SH3GL3: variants seen among roughly 807,000 people sequenced by gnomAD.
SH3GL3 encodes endophilin-A3.
A neutral mutation model predicts 47.7 loss-of-function variants in SH3GL3; 33 were observed. That is an observed-to-expected ratio of 0.69 (90% confidence interval 0.52 to 0.92). SH3GL3 has a LOEUF of 0.92. Ranked by LOEUF, SH3GL3 falls within the 40% of genes least tolerant of loss-of-function variation. The probability of loss-of-function intolerance (pLI) is 0.00; values close to 1 mark genes in which losing one functional copy is unlikely to be tolerated. For missense variants in SH3GL3, 363 were observed against 417.8 expected, an observed-to-expected ratio of 0.87 and a Z score of 1.14; for synonymous variants, 155 against 148.8, an observed-to-expected ratio of 1.04 and a Z score of -0.30.
intron 1 of SH3GL3, among the ~76,000 whole-genome samples, chr15:83,558,501 GTATA>G (rs34575912): frequency 6.6e-6 from 1 of 150,560 alleles, no homozygotes; most frequent in Admixed American, 6.6e-5. Flanking sequence ...GTGTGTGTGT[GTATA>G]TGTGTGTGTG....
intron 1 of SH3GL3, among the ~76,000 whole-genome samples, chr15:83,496,464 G>T (rs1266917772): frequency 6.6e-6 from 1 of 152,108 alleles, no homozygotes; most frequent in African/African-American, 2.4e-5. Context: ...TAACCATTTG[G>T]AGTAGACATT....
intron 1 of SH3GL3, among the ~76,000 whole-genome samples, chr15:83,542,256 C>T (rs908334652): frequency 2.6e-5 from 4 of 152,022 alleles, no homozygotes. Flanking sequence ...GTTCTTGGCA[C>T]CTTTGTTGAA....
chr15:83,449,741 G>A (rs1278962968), intron 1 of SH3GL3, among the ~76,000 whole-genome samples: 4 of 149,752 alleles, frequency 2.7e-5, no homozygotes, highest in East Asian at 2.0e-4. Flanking sequence ...TCGCATGAGC[G>A]GAAATAATTT....
downstream of SH3GL3, among the ~76,000 whole-genome samples, chr15:83,622,135 C>T (rs553501858): frequency 1.3e-5 from 2 of 152,306 alleles, no homozygotes; most frequent in East Asian, 3.9e-4. Context: ...TTCTCATTAA[C>T]GATCCTCTGA....
chr15:83,530,763 C>A (rs1037432020), intron 1 of SH3GL3, among the ~76,000 whole-genome samples: 9 of 152,000 alleles, frequency 5.9e-5, no homozygotes, highest in African/African-American at 2.2e-4. Context: ...AACAGGTTGG[C>A]TTTTCTTCAG....
At chr15:83,590,165 TTAA>T (rs1255705348) in intron 8 of SH3GL3, among the ~76,000 whole-genome samples, 2 of 152,174 alleles carry the variant, frequency 1.3e-5, no homozygotes, top group African/African-American at 4.8e-5. Context: ...TATGAGGATA[TTAA>T]TAATTTTTTT....
intron 6 of SH3GL3, among the ~76,000 whole-genome samples, chr15:83,581,457 G>A (rs2059825819): frequency 6.6e-6 from 1 of 152,212 alleles, no homozygotes; most frequent in African/African-American, 2.4e-5. Context: ...GCTATTCCTG[G>A]CCTGAAGTCT....
At chr15:83,574,448 C>T (rs981765287) in intron 5 of SH3GL3, among the ~76,000 whole-genome samples, 16 of 152,236 alleles carry the variant, frequency 1.1e-4, no homozygotes, top group African/African-American at 2.4e-4. Context: ...TCCTCAGGGC[C>T]GTTGTGACAT....
intron 1 of SH3GL3, among the ~76,000 whole-genome samples, chr15:83,520,988 T>G (rs2043179134): frequency 6.6e-6 from 1 of 152,150 alleles, no homozygotes; most frequent in Admixed American, 6.5e-5. Context: ...TGTTAAATAC[T>G]CGGTATAAAT....
intron 8 of SH3GL3, among the ~76,000 whole-genome samples, chr15:83,608,032 T>G (rs1044331122): frequency 3.3e-5 from 5 of 152,010 alleles, no homozygotes; most frequent in Non-Finnish European, 7.4e-5. Context: ...CATTGTTTTG[T>G]AAGGTGGGGG....
At chr15:83,595,371 G>A (rs2060211139) in intron 8 of SH3GL3, among the ~76,000 whole-genome samples, 1 of 152,072 alleles carries the variant, frequency 6.6e-6, no homozygotes, top group Non-Finnish European at 1.5e-5. Context: ...GTTGGGAGGA[G>A]GGTGAGAATT....
At chr15:83,526,344 A>G (rs1417482854) in intron 1 of SH3GL3, among the ~76,000 whole-genome samples, 3 of 152,234 alleles carry the variant, frequency 2.0e-5, no homozygotes, top group Non-Finnish European at 4.4e-5. Flanking sequence ...AAATTGTTCT[A>G]TCATAAAGAC....
At chr15:83,612,334 C>T (rs7178720) in intron 8 of SH3GL3, among the ~76,000 whole-genome samples, 8,016 of 152,278 alleles carry the variant, frequency 0.053, 673 homozygotes, top group African/African-American at 0.18. Context: ...TCACAGGAGG[C>T]CTGGGGCCTG....
intron 1 of SH3GL3, among the ~76,000 whole-genome samples, chr15:83,529,790 C>T (rs1276620403): frequency 6.6e-6 from 1 of 152,046 alleles, no homozygotes; most frequent in African/African-American, 2.4e-5. Context: ...TGGGAGTGTA[C>T]ACATTAGTCC....
chr15:83,578,731 A>G (rs1424722598), intron 6 of SH3GL3, among the ~76,000 whole-genome samples: 2 of 151,838 alleles, frequency 1.3e-5, no homozygotes, highest in Non-Finnish European at 2.9e-5. Flanking sequence ...TTTTTCTTTA[A>G]ATGTATAAAT....
chr15:83,534,286 A>G (rs1019363569), intron 1 of SH3GL3, among the ~76,000 whole-genome samples: 2 of 152,174 alleles, frequency 1.3e-5, no homozygotes, highest in Non-Finnish European at 2.9e-5. Flanking sequence ...CTAAATAAAT[A>G]TCTTTTCTCT....
chr15:83,512,616 G>T (rs893543922), intron 1 of SH3GL3, among the ~76,000 whole-genome samples: 1 of 152,088 alleles, frequency 6.6e-6, no homozygotes, highest in Non-Finnish European at 1.5e-5. Context: ...AACAAAAGGC[G>T]CCAGAGTGGT....
intron 1 of SH3GL3, among the ~76,000 whole-genome samples, chr15:83,517,156 A>G (rs1316913651): frequency 6.6e-6 from 1 of 151,386 alleles, no homozygotes; most frequent in Non-Finnish European, 1.5e-5. Context: ...CTAGATGATG[A>G]CACATTGTTT....
chr15:83,457,484 G>C (rs2040054685), intron 1 of SH3GL3, among the ~76,000 whole-genome samples: 1 of 152,198 alleles, frequency 6.6e-6, no homozygotes, highest in African/African-American at 2.4e-5. Flanking sequence ...AAGGGGTCAT[G>C]AGGGGCCTGG....
Sources: gnomAD v4.1 joint callset for allele counts (sites outside exome capture counted in the v4.1 genomes callset) on GRCh38, gnomAD v4.1.1 for gene constraint, MANE v1.5 for transcripts, NCBI Gene and HGNC (gene_info 2026-07-23, HGNC 2026-07-21) for gene names.